Variants in RNF145 observed in about 807,000 individuals in gnomAD.
The protein encoded by RNF145 is ring finger protein 145.
In RNF145, 12 loss-of-function variants were observed where a neutral mutation model predicts 57.3. The ratio of observed to expected loss-of-function variants is 0.21; its 90% CI spans 0.13 to 0.34. The LOEUF is 0.34. Among genes scored for constraint, RNF145 ranks in the 10% least tolerant of loss-of-function variants. The pLI is 1.00. For synonymous variants in RNF145, 262 were observed against 288.3 expected (o/e 0.91, Z 0.92); for missense variants, 429 against 799.0 (o/e 0.54, Z 5.58).
At chr5:159,186,742 A>G (rs1785070862) in intron 3 of RNF145, among the ~76,000 whole-genome samples, 1 of 152,120 alleles carries the variant, frequency 6.6e-6, no homozygotes, top group African/African-American at 2.4e-5. Flanking sequence ...GGCCTCCTAG[A>G]TATTGAGTGC....
intron 8 of RNF145, among the ~76,000 whole-genome samples, chr5:159,165,965 T>C (rs1784382020): frequency 6.6e-6 from 1 of 151,922 alleles, no homozygotes; most frequent in South Asian, 2.1e-4. Context: ...CATGCAAGAG[T>C]CTTTGAATAT....
At chr5:159,163,143 A>T in intron 8 of RNF145, 64 bp from the exon 9 acceptor site, 1 of 1,406,688 alleles carries the variant, frequency 7.1e-7, no homozygotes. Flanking sequence ...CACTCACATC[A>T]GCAGCTAACA....
At chr5:159,162,425 C>CTTTTTTTTTTTTTTTTTTT (rs201178143) in intron 9 of RNF145, among the ~76,000 whole-genome samples, 1 of 134,574 alleles carries the variant, frequency 7.4e-6, no homozygotes, top group Non-Finnish European at 1.6e-5. Flanking sequence ...GTAATATTTT[C>CTTTTTTTTTTTTTTTTTTT]TTTTTTTTTT....
chr5:159,163,659 T>C (rs1006858467), intron 8 of RNF145, among the ~76,000 whole-genome samples: 5 of 152,192 alleles, frequency 3.3e-5, no homozygotes, highest in Admixed American at 3.3e-4. Context: ...CCCTGATCTA[T>C]CCAGGACACT....
intron 2 of RNF145, among the ~76,000 whole-genome samples, chr5:159,198,173 T>C (rs539835791): frequency 1.3e-4 from 20 of 152,034 alleles, no homozygotes; most frequent in African/African-American, 4.8e-4. Flanking sequence ...GCCCAGAAGG[T>C]TGATGCTGCA....
chr5:159,210,002 A>T, upstream of RNF145: 1 of 1,102,008 alleles, frequency 9.1e-7, no homozygotes, highest in African/African-American at 1.5e-5. Flanking sequence ...CGTGCCCAGC[A>T]CCAAGTGCAG....
chr5:159,171,191 C>T (rs980389432), intron 6 of RNF145, among the ~76,000 whole-genome samples: 3 of 152,116 alleles, frequency 2.0e-5, no homozygotes, highest in Non-Finnish European at 1.5e-5. Flanking sequence ...GACATTCCTA[C>T]AAATTTAATT....
At chr5:159,159,365 A>G (rs1260391964) in intron 10 of RNF145, among the ~76,000 whole-genome samples, 1 of 152,246 alleles carries the variant, frequency 6.6e-6, no homozygotes, top group Non-Finnish European at 1.5e-5. Flanking sequence ...CTGGGTCTCC[A>G]CTGGTATGAC....
At chr5:159,171,822 T>G (rs571856820) in intron 6 of RNF145, among the ~76,000 whole-genome samples, 1 of 152,240 alleles carries the variant, frequency 6.6e-6, no homozygotes, top group South Asian at 2.1e-4. Flanking sequence ...GAATAACTCT[T>G]ACAGAGATAT....
chr5:159,209,824 G>C (rs1180143643), upstream of RNF145: 6 of 1,534,120 alleles, frequency 3.9e-6, no homozygotes, highest in Non-Finnish European at 5.2e-6. Context: ...CAAACACCAC[G>C]GGCCGCAAGC....
chr5:159,182,794 GT>G (rs1375690487), intron 3 of RNF145, among the ~76,000 whole-genome samples: 2 of 152,106 alleles, frequency 1.3e-5, no homozygotes, highest in Non-Finnish European at 2.9e-5. Flanking sequence ...TTACATGGGA[GT>G]ACTGGAAGAC....
chr5:159,162,608 G>A (rs1167849481), intron 9 of RNF145, among the ~76,000 whole-genome samples: 1 of 150,820 alleles, frequency 6.6e-6, no homozygotes, highest in Middle Eastern at 3.4e-3. Flanking sequence ...CTAATTTTTT[G>A]TATTTTTAGT....
chr5:159,199,166 T>C (rs927636458), intron 2 of RNF145, among the ~76,000 whole-genome samples: 1 of 152,020 alleles, frequency 6.6e-6, no homozygotes, highest in African/African-American at 2.4e-5. Context: ...TGTGAACTGG[T>C]TCCATGGAAT....
At chr5:159,209,186 G>C (rs1231675816) in intron 1 of RNF145, 45 bp downstream of exon 1, 2 of 889,864 alleles carry the variant, frequency 2.2e-6, no homozygotes, top group Admixed American at 6.2e-5. Context: ...GGAAGCGGCC[G>C]GGGGGCGCGG....
At chr5:159,188,903 G>A (rs987941781) in intron 3 of RNF145, among the ~76,000 whole-genome samples, 2 of 152,088 alleles carry the variant, frequency 1.3e-5, no homozygotes, top group Non-Finnish European at 2.9e-5. Flanking sequence ...ATTTGCAAAT[G>A]TCTTTTTCTA....
intron 8 of RNF145, among the ~76,000 whole-genome samples, chr5:159,164,227 C>T (rs995435258): frequency 4.6e-5 from 7 of 151,436 alleles, no homozygotes; most frequent in African/African-American, 1.5e-4. Context: ...TTTTTTCTTG[C>T]CAAAAACTAA....
chr5:159,167,096 C>G (rs1562049858), intron 8 of RNF145, among the ~76,000 whole-genome samples: 1 of 152,140 alleles, frequency 6.6e-6, no homozygotes, highest in African/African-American at 2.4e-5. Context: ...AACTATTCAA[C>G]TTTTTAGTTC....
rs531373662 is a variant in RNF145 at position 159,189,989 on chromosome 5, G to C, written c.293+4727C>G. Reference sequence around the variant, plus strand: ...GTGATGAAAATCTAAAATAAATTTTGATGATGTTCTGCACAACTCTGTGAA... The same window carrying C: ...GTGATGAAAATCTAAAATAAATTTTCATGATGTTCTGCACAACTCTGTGAA... On this transcript the variant is annotated intron_variant, in intron 3 of 10. Transcript: ENST00000424310. Among the ~76,000 whole-genome samples the C allele has an allele frequency of 2.6e-5, 4 of 152,288 alleles. No homozygotes were observed. In the South Asian group the frequency reaches 8.3e-4, roughly 32 times the overall value.
intron 3 of RNF145, among the ~76,000 whole-genome samples, chr5:159,187,607 G>A (rs191561764): frequency 3.3e-5 from 5 of 152,168 alleles, no homozygotes; most frequent in East Asian, 1.9e-4. Context: ...GACTACAGGC[G>A]TGTGCCACCA....
Sources: allele counts gnomAD v4.1 joint callset (sites outside exome capture counted in the v4.1 genomes callset), GRCh38; gene constraint gnomAD v4.1.1; transcripts MANE v1.5; gene names NCBI Gene and HGNC (gene_info 2026-07-23, HGNC 2026-07-21).